The following PAPPA2 variants were observed in gnomAD, a reference collection of about 807,000 sequenced individuals.
PAPPA2 encodes the protein pappalysin-2.
A neutral mutation model predicts 176.4 loss-of-function variants in PAPPA2; 86 were observed. That is an observed-to-expected ratio of 0.49 (90% confidence interval 0.41 to 0.58). The LOEUF (loss-of-function observed/expected upper bound fraction) is 0.58, where lower values mean the gene tolerates loss of function less well. PAPPA2 is among the 20% of genes least tolerant of loss of function. The pLI is 0.00. For missense variants in PAPPA2, 2,073 were observed against 2,256.9 expected, an observed-to-expected ratio of 0.92 and a Z score of 1.65; for synonymous variants, 809 against 852.2, an observed-to-expected ratio of 0.95 and a Z score of 0.88.
At chr1:176,830,992 C>T (rs1424245467) in intron 21 of PAPPA2, among the ~76,000 whole-genome samples, 1 of 152,182 alleles carries the variant, frequency 6.6e-6, no homozygotes, top group Non-Finnish European at 1.5e-5. Flanking sequence ...AAAATCTTGA[C>T]AAATGAATTG....
intron 3 of PAPPA2, among the ~76,000 whole-genome samples, chr1:176,623,964 C>G (rs888694688): frequency 5.9e-5 from 9 of 151,744 alleles, no homozygotes; most frequent in Admixed American, 6.6e-5. Context: ...CTTCAGCCCC[C>G]CAAGTAGCTG....
chr1:176,799,564 G>A (rs1665586587), intron 20 of PAPPA2, among the ~76,000 whole-genome samples: 2 of 152,082 alleles, frequency 1.3e-5, no homozygotes, highest in Admixed American at 6.6e-5. Flanking sequence ...CCTGGTGTGG[G>A]CACTCACATC....
chr1:176,623,501 C>G lies in PAPPA2; in HGVS notation c.1991+27906C>G, dbSNP rs1353896371. Reference sequence around the variant, plus strand: ...AGAGGCATAAAAACAGCTAGTCCTCCTTTTATGTGGGACTGTCCCTAGTGA... The same window carrying G: ...AGAGGCATAAAAACAGCTAGTCCTCGTTTTATGTGGGACTGTCCCTAGTGA... On this transcript the variant is annotated intron_variant, in intron 3 of 22. Coordinates refer to ENST00000367662, the MANE Select transcript of PAPPA2 (RefSeq NM_020318.3). Among the ~76,000 whole-genome samples the G allele has an allele frequency of 5.9e-5, 9 of 152,234 alleles. No homozygotes were observed. In the East Asian group the frequency reaches 1.5e-3, roughly 26 times the overall value.
At chr1:176,536,293 C>T (rs1045295275) in intron 1 of PAPPA2, among the ~76,000 whole-genome samples, 3 of 152,216 alleles carry the variant, frequency 2.0e-5, no homozygotes, top group Non-Finnish European at 4.4e-5. Flanking sequence ...AGCTTTTCTG[C>T]ACTCCTCTTA....
intron 1 of PAPPA2, among the ~76,000 whole-genome samples, chr1:176,526,695 C>G (rs936642471): frequency 6.6e-6 from 1 of 152,208 alleles, no homozygotes; most frequent in Non-Finnish European, 1.5e-5. Context: ...ACCTCTGCAA[C>G]TGTAATGACA....
intron 1 of PAPPA2, among the ~76,000 whole-genome samples, chr1:176,552,310 C>A (rs1278216867): frequency 3.3e-5 from 5 of 151,076 alleles, no homozygotes; most frequent in Non-Finnish European, 7.4e-5. Context: ...CCATTTTACC[C>A]TCTCCTCCTC....
At chr1:176,805,088 TTCC>T (rs1271965292) in intron 21 of PAPPA2, among the ~76,000 whole-genome samples, 3 of 147,422 alleles carry the variant, frequency 2.0e-5, no homozygotes, top group African/African-American at 7.4e-5. Flanking sequence ...CCTTCCTTCC[TTCC>T]TTTTATTTTT....
At chr1:176,518,255 TA>T (rs2102533579) in intron 1 of PAPPA2, among the ~76,000 whole-genome samples, 1 of 152,256 alleles carries the variant, frequency 6.6e-6, no homozygotes, top group African/African-American at 2.4e-5. Flanking sequence ...TAACTTTAAA[TA>T]AGAATACATT....
intron 14 of PAPPA2, among the ~76,000 whole-genome samples, chr1:176,762,182 C>G (rs1358696923): frequency 3.3e-5 from 5 of 151,712 alleles, no homozygotes; most frequent in Admixed American, 1.3e-4. Flanking sequence ...GAAATATAAG[C>G]TAGTGAAAGA....
At chr1:176,570,091 C>A (rs754186063) in intron 2 of PAPPA2, among the ~76,000 whole-genome samples, 1 of 151,968 alleles carries the variant, frequency 6.6e-6, no homozygotes, top group African/African-American at 2.4e-5. Context: ...TTGTCTTTTT[C>A]TCATTCTCAT....
rs539988996 is a variant in PAPPA2, at chr1:176,552,352, T to C, written c.-916-3055T>C. Among the ~76,000 whole-genome samples, 5 of 142,572 alleles carry C rather than the reference T, an allele frequency of 3.5e-5. 1 individual carries two copies. In the South Asian group the frequency reaches 1.3e-3, roughly 36 times the overall value. 93.5% of individuals were successfully genotyped at this position (142,572 alleles called of 152,430 possible). On this transcript the variant is annotated intron_variant, in intron 1 of 22. Transcript: ENST00000367662. The stretch of plus-strand genomic sequence containing the variant: ...TCCCCTCCCCCTCGCCTTGCTCCCT[T>C]CCCCTTTCCCTCTTTCCCCACGCCT...
chr1:176,498,611 G>C (rs1647766257), intron 1 of PAPPA2, among the ~76,000 whole-genome samples: 1 of 151,996 alleles, frequency 6.6e-6, no homozygotes, highest in South Asian at 2.1e-4. Flanking sequence ...TTAGCCAGGT[G>C]TGGTGGCGGG....
chr1:176,718,964 T>C lies in PAPPA2; in HGVS notation c.3798+6983T>C, dbSNP rs549319730. ...CTTTGTATATATTGGTTTTTCCCAA[T>C]ATTGTGTGTACTGTTTCCATCGGGT... On this transcript the variant is annotated intron_variant, in intron 12 of 22. Coordinates refer to ENST00000367662, the MANE Select transcript of PAPPA2 (RefSeq NM_020318.3). Among the ~76,000 whole-genome samples, 24 of 152,198 alleles carry C rather than the reference T, an allele frequency of 1.6e-4. No individual in the cohort carries two copies. In the South Asian group the frequency reaches 4.8e-3, roughly 30 times the overall value.
intron 14 of PAPPA2, among the ~76,000 whole-genome samples, chr1:176,754,343 T>C (rs993378116): frequency 6.6e-6 from 1 of 152,228 alleles, no homozygotes; most frequent in African/African-American, 2.4e-5. Context: ...TCATTAAGAA[T>C]TATTTTCTTT....
intron 22 of PAPPA2, among the ~76,000 whole-genome samples, chr1:176,840,933 T>A (rs926441170): frequency 1.3e-5 from 2 of 152,208 alleles, no homozygotes; most frequent in African/African-American, 2.4e-5. Context: ...AGAGATGTTA[T>A]TTCCTTCCTT....
At chr1:176,746,761 A>C (rs2102881883) in intron 14 of PAPPA2, among the ~76,000 whole-genome samples, 1 of 152,312 alleles carries the variant, frequency 6.6e-6, no homozygotes, top group Admixed American at 6.5e-5. Context: ...GTTTGCCTTG[A>C]ACTATAACTT....
chr1:176,498,120 T>G (rs1268344650), intron 1 of PAPPA2, among the ~76,000 whole-genome samples: 1 of 152,242 alleles, frequency 6.6e-6, no homozygotes, highest in South Asian at 2.1e-4. Flanking sequence ...CTCCCATTAT[T>G]CTTTTCAACT....
chr1:176,463,760 G>A (rs937233927), intron 1 of PAPPA2, among the ~76,000 whole-genome samples: 1 of 152,146 alleles, frequency 6.6e-6, no homozygotes, highest in Admixed American at 6.5e-5. Flanking sequence ...GTTCTCCTGG[G>A]CCTCATCCAG....
chr1:176,465,344 T>C (rs528208264), intron 1 of PAPPA2, among the ~76,000 whole-genome samples: 1 of 152,332 alleles, frequency 6.6e-6, no homozygotes, highest in South Asian at 2.1e-4. Flanking sequence ...CTGCAACAAC[T>C]TATACTCTCA....
Sources: gnomAD v4.1 joint callset for allele counts (sites outside exome capture counted in the v4.1 genomes callset) on GRCh38, gnomAD v4.1.1 for gene constraint, MANE v1.5 for transcripts, NCBI Gene and HGNC (gene_info 2026-07-23, HGNC 2026-07-21) for gene names.